CCDC148: variants seen among roughly 807,000 people sequenced by gnomAD.
CCDC148 encodes the protein coiled-coil domain-containing protein 148.
Under a neutral mutation model 85.7 loss-of-function variants are expected in CCDC148, and 89 were observed. That is an observed-to-expected ratio of 1.04 (90% CI 0.87 to 1.24). CCDC148 has a LOEUF of 1.24. Ranked by LOEUF, CCDC148 falls within the 50% of genes most tolerant of loss-of-function variation. The pLI is 0.00. For synonymous variants in CCDC148, 230 were observed against 213.9 expected (o/e 1.08, Z -0.66); for missense variants, 692 against 671.7 (o/e 1.03, Z -0.33).
chr2:158,284,035 C>G (rs1380770463), intron 9 of CCDC148, among the ~76,000 whole-genome samples: 3 of 147,318 alleles, frequency 2.0e-5, no homozygotes, highest in South Asian at 2.2e-4. Flanking sequence ...AACAAAAAAC[C>G]AAACACCGCA....
intron 1 of CCDC148, among the ~76,000 whole-genome samples, chr2:158,446,365 T>A (rs905832028): frequency 3.3e-5 from 5 of 151,300 alleles, no homozygotes; most frequent in African/African-American, 2.4e-5. Flanking sequence ...AAAAAAAGAA[T>A]CAATTCCATC....
At chr2:158,348,374 CA>C (rs1683097116) in intron 2 of CCDC148, among the ~76,000 whole-genome samples, 2 of 150,866 alleles carry the variant, frequency 1.3e-5, no homozygotes. Flanking sequence ...GACTATAAGA[CA>C]AACAATACAA....
intron 7 of CCDC148, among the ~76,000 whole-genome samples, chr2:158,337,945 T>C (rs1449832114): frequency 6.6e-6 from 1 of 152,200 alleles, no homozygotes; most frequent in Non-Finnish European, 1.5e-5. Flanking sequence ...AACCTTTTAT[T>C]TTAATTTACT....
intron 1 of CCDC148, among the ~76,000 whole-genome samples, chr2:158,363,515 C>T (rs1408669004): frequency 6.6e-6 from 1 of 152,140 alleles, no homozygotes; most frequent in Non-Finnish European, 1.5e-5. Context: ...TCAACATACA[C>T]TAATCAATAA....
At chr2:158,340,465 G>T in intron 4 of CCDC148, 72 bp from the exon 5 acceptor site, 1 of 1,526,524 alleles carries the variant, frequency 6.6e-7, no homozygotes, top group Middle Eastern at 1.9e-4. Flanking sequence ...GATCATTAGA[G>T]TACAGATTTA....
At chr2:158,346,190 T>G (rs1249827810) in intron 2 of CCDC148, among the ~76,000 whole-genome samples, 1 of 152,184 alleles carries the variant, frequency 6.6e-6, no homozygotes, top group Non-Finnish European at 1.5e-5. Context: ...ACAGAGCAGC[T>G]TGTGTTTCTC....
intron 9 of CCDC148, among the ~76,000 whole-genome samples, chr2:158,287,537 CA>C (rs2105183788): frequency 6.6e-6 from 1 of 152,264 alleles, no homozygotes; most frequent in African/African-American, 2.4e-5. Flanking sequence ...AGGCCCCACA[CA>C]AGTCCAAAAT....
intron 10 of CCDC148, among the ~76,000 whole-genome samples, chr2:158,223,282 C>A (rs1411904387): frequency 6.6e-6 from 1 of 152,266 alleles, no homozygotes; most frequent in East Asian, 1.9e-4. Context: ...GGACACCCGC[C>A]ATTGCTGAGG....
At chr2:158,351,358 G>A (rs1177420342) in intron 2 of CCDC148, among the ~76,000 whole-genome samples, 1 of 152,234 alleles carries the variant, frequency 6.6e-6, no homozygotes, top group Non-Finnish European at 1.5e-5. Flanking sequence ...CAGACAGTGG[G>A]CGCAGGTCAG....
At chr2:158,294,619 T>TTG (rs1691081992) in intron 9 of CCDC148, among the ~76,000 whole-genome samples, 1 of 151,798 alleles carries the variant, frequency 6.6e-6, no homozygotes, top group South Asian at 2.1e-4. Flanking sequence ...AGGTCAGTAG[T>TTG]TGTAGACCAA....
chr2:158,201,436 G>T (rs1475056657), intron 11 of CCDC148, among the ~76,000 whole-genome samples: 1 of 151,602 alleles, frequency 6.6e-6, no homozygotes, highest in Non-Finnish European at 1.5e-5. Flanking sequence ...TGGAGACAGG[G>T]TCTCACTCTG....
intron 1 of CCDC148, among the ~76,000 whole-genome samples, chr2:158,445,273 T>C (rs1688113215): frequency 6.6e-6 from 1 of 152,214 alleles, no homozygotes; most frequent in African/African-American, 2.4e-5. Flanking sequence ...ATATTTTTCT[T>C]TTATCAAATT....
chr2:158,216,420 G>A (rs1355851624), intron 11 of CCDC148, among the ~76,000 whole-genome samples: 14 of 120,630 alleles, frequency 1.2e-4, no homozygotes, highest in Admixed American at 3.8e-4. Context: ...TTTTTGAGAC[G>A]GAGTCTTGCT....
chr2:158,313,731 G>C, intron 8 of CCDC148, 25 bp downstream of exon 8: 1 of 1,585,256 alleles, frequency 6.3e-7, no homozygotes, highest in Non-Finnish European at 8.6e-7. Context: ...TAACTTGCCA[G>C]TATGTAGGTA....
intron 12 of CCDC148, among the ~76,000 whole-genome samples, chr2:158,177,197 G>A (rs780033508): frequency 6.6e-6 from 1 of 151,582 alleles, no homozygotes; most frequent in Non-Finnish European, 1.5e-5. Context: ...TAGATTTCCA[G>A]GGACTGCTAT....
chr2:158,429,694 A>G (rs1386495730), intron 1 of CCDC148, among the ~76,000 whole-genome samples: 5 of 152,258 alleles, frequency 3.3e-5, no homozygotes, highest in Non-Finnish European at 5.9e-5. Flanking sequence ...GCTTCTGGCT[A>G]TAATGGAGTA....
chr2:158,432,724 C>G (rs1042629704), intron 1 of CCDC148, among the ~76,000 whole-genome samples: 1 of 151,746 alleles, frequency 6.6e-6, no homozygotes, highest in African/African-American at 2.4e-5. Context: ...AAGAACACAC[C>G]CCAAGTCTTT....
chr2:158,323,076 T>C (rs1028249475), intron 7 of CCDC148, among the ~76,000 whole-genome samples: 3 of 152,194 alleles, frequency 2.0e-5, no homozygotes, highest in Non-Finnish European at 4.4e-5. Context: ...TTCATGTTAC[T>C]GATGAAATAC....
rs1191610722 is a variant in CCDC148, at chr2:158,178,927, A to G, written c.1440T>C (p.Ala480=). The change falls in exon 12 of 14, where the codon GCT becomes GCC. Residue 480 remains alanine, a synonymous_variant. Transcript: ENST00000283233. ...GCCGTGCTCTCTCTTTGTCTTCATG[A>G]GCTTCTTGAAGGGCCACTTCCTTTT... The part of the protein sequence containing the change: ...MEKKEVALQE[A]HEDKERARRL... The G allele has an allele frequency of 1.9e-6, 3 of 1,613,646 alleles. No homozygotes were observed. Among genetic ancestry groups the G allele is most frequent in the South Asian group, 2.2e-5 (2 of 91,056 alleles).
Sources: allele counts gnomAD v4.1 joint callset (sites outside exome capture counted in the v4.1 genomes callset), GRCh38; gene constraint gnomAD v4.1.1; transcripts MANE v1.5; gene names NCBI Gene and HGNC (gene_info 2026-07-23, HGNC 2026-07-21).